The following EPHA3 variants were observed in gnomAD, a reference collection of about 807,000 sequenced individuals.
The protein encoded by EPHA3 is ephrin type-A receptor 3.
Under a neutral mutation model 107.1 loss-of-function variants are expected in EPHA3, and 42 were observed. The ratio of observed to expected loss-of-function variants is 0.39; its 90% CI spans 0.31 to 0.51. EPHA3 has a LOEUF of 0.51. Ranked by LOEUF, EPHA3 falls within the 20% of genes least tolerant of loss-of-function variation. The pLI is 0.78. For missense variants in EPHA3, 1,183 were observed against 1,211.2 expected (o/e 0.98, Z 0.35); for synonymous variants, 461 against 424.8 (o/e 1.09, Z -1.05).
chr3:89,325,232 T>C (rs1707139148), intron 3 of EPHA3, among the ~76,000 whole-genome samples: 1 of 152,194 alleles, frequency 6.6e-6, no homozygotes, highest in Admixed American at 6.5e-5. Context: ...TCATCTAAAA[T>C]CTTCATATCA....
intron 5 of EPHA3, among the ~76,000 whole-genome samples, chr3:89,393,744 A>G (rs1708790571): frequency 6.6e-6 from 1 of 152,058 alleles, no homozygotes; most frequent in Admixed American, 6.6e-5. Flanking sequence ...TTGGATAATG[A>G]TTTGATTTTT....
At chr3:89,345,625 T>C (rs1308840742) in intron 5 of EPHA3, among the ~76,000 whole-genome samples, 1 of 150,172 alleles carries the variant, frequency 6.7e-6, no homozygotes, top group Non-Finnish European at 1.5e-5. Flanking sequence ...TTTTCTTTTT[T>C]TTTTTTATAC....
chr3:89,334,786 A>G (rs1451384636), intron 3 of EPHA3, among the ~76,000 whole-genome samples: 2 of 152,174 alleles, frequency 1.3e-5, no homozygotes, highest in Non-Finnish European at 2.9e-5. Context: ...ACACCTCATT[A>G]AAGTTTGAAG....
intron 13 of EPHA3, among the ~76,000 whole-genome samples, chr3:89,441,008 T>A (rs928971987): frequency 6.6e-6 from 1 of 152,206 alleles, no homozygotes; most frequent in Non-Finnish European, 1.5e-5. Flanking sequence ...GCTGTTAAGC[T>A]GTTAGATAAA....
At chr3:89,144,577 T>G (rs562762071) in intron 2 of EPHA3, among the ~76,000 whole-genome samples, 2 of 151,976 alleles carry the variant, frequency 1.3e-5, no homozygotes, top group South Asian at 4.1e-4. Context: ...TCTGCACATA[T>G]GAACACTTTC....
chr3:89,282,618 T>G (rs1705975445), intron 3 of EPHA3, among the ~76,000 whole-genome samples: 1 of 152,234 alleles, frequency 6.6e-6, no homozygotes, highest in East Asian at 1.9e-4. Context: ...ATACCATGTT[T>G]TCCCCCGTAT....
intron 1 of EPHA3, among the ~76,000 whole-genome samples, chr3:89,112,714 C>T (rs1233131624): frequency 6.6e-6 from 1 of 151,196 alleles, no homozygotes; most frequent in Non-Finnish European, 1.5e-5. Flanking sequence ...ATTAATAAAA[C>T]TTTCCTCAAA....
chr3:89,281,167 G>T (rs1247261368), intron 3 of EPHA3, among the ~76,000 whole-genome samples: 1 of 152,076 alleles, frequency 6.6e-6, no homozygotes, highest in East Asian at 1.9e-4. Flanking sequence ...GGGACTACAG[G>T]CCCACGCCGC....
At chr3:89,135,786 G>A (rs1003614262) in intron 2 of EPHA3, among the ~76,000 whole-genome samples, 1 of 150,332 alleles carries the variant, frequency 6.7e-6, no homozygotes, top group East Asian at 1.9e-4. Flanking sequence ...TGTAAAGATA[G>A]CTTCATATTG....
At chr3:89,460,120 TATGAG>T (rs1180674222) in intron 15 of EPHA3, among the ~76,000 whole-genome samples, 1 of 152,180 alleles carries the variant, frequency 6.6e-6, no homozygotes, top group African/African-American at 2.4e-5. Context: ...TTTTTGAAGA[TATGAG>T]ATTTTTATTA....
Position 89,382,214 on chromosome 3 carries a change from A to C in EPHA3, c.1307-13623A>C, listed in dbSNP as rs151025361. On this transcript the variant is annotated intron_variant, in intron 5 of 16. Transcript: ENST00000336596. ...GATCAGGAGAAGGTTGCCACTAAAA[A>C]ATAGAGACTATGGCTGGGGGTGGTG... Among the ~76,000 whole-genome samples, 7 of 152,252 alleles carry C rather than the reference A, an allele frequency of 4.6e-5. No homozygotes were observed. In the East Asian group the frequency reaches 1.4e-3, roughly 29 times the overall value.
chr3:89,127,114 G>C (rs1704112075), intron 1 of EPHA3, 95 bp from the exon 2 acceptor site: 8 of 914,244 alleles, frequency 8.8e-6, no homozygotes, highest in Non-Finnish European at 1.4e-5. Context: ...TATGTTTTTT[G>C]AGCAACATCA....
At chr3:89,213,593 T>A in intron 3 of EPHA3, among the ~76,000 whole-genome samples, 1 of 152,024 alleles carries the variant, frequency 6.6e-6, no homozygotes, top group East Asian at 1.9e-4. Flanking sequence ...AGTAAAGGAA[T>A]AACAAATATT....
rs530851777 is a variant in EPHA3, at chr3:89,142,203, G to A, written c.153+14930G>A. Among the ~76,000 whole-genome samples the A allele has an allele frequency of 2.0e-5, 3 of 151,320 alleles. No homozygotes were observed. In the Admixed American group the frequency reaches 2.0e-4, roughly 10 times the overall value. ...TTAAACAATAATAGCCTTAGGAAAT[G>A]TCTACCATATCACTTTTTCCCCCAA... On this transcript the variant is annotated intron_variant, in intron 2 of 16. Coordinates refer to ENST00000336596, the MANE Select transcript of EPHA3 (RefSeq NM_005233.6).
At chr3:89,161,529 T>C (rs1038704267) in intron 2 of EPHA3, among the ~76,000 whole-genome samples, 1 of 152,192 alleles carries the variant, frequency 6.6e-6, no homozygotes, top group African/African-American at 2.4e-5. Flanking sequence ...TTTATTTTTA[T>C]GTTTGCATAG....
At chr3:89,318,749 C>T (rs1354577531) in intron 3 of EPHA3, among the ~76,000 whole-genome samples, 1 of 151,878 alleles carries the variant, frequency 6.6e-6, no homozygotes, top group African/African-American at 2.4e-5. Flanking sequence ...ACAATAATGA[C>T]ATCTCTAAAG....
intron 3 of EPHA3, among the ~76,000 whole-genome samples, chr3:89,299,854 A>C (rs1231783423): frequency 2.6e-5 from 4 of 152,042 alleles, no homozygotes; most frequent in Non-Finnish European, 5.9e-5. Context: ...CCTTAAGGAA[A>C]ATTTTTGATA....
intron 3 of EPHA3, among the ~76,000 whole-genome samples, chr3:89,306,482 A>T (rs954964): frequency 1.3e-5 from 2 of 151,986 alleles, no homozygotes; most frequent in Admixed American, 6.6e-5. Context: ...CAGAAAATTT[A>T]ATTTTCTATT....
At chr3:89,379,404 C>T (rs1331975062) in intron 5 of EPHA3, among the ~76,000 whole-genome samples, 2 of 152,116 alleles carry the variant, frequency 1.3e-5, no homozygotes, top group African/African-American at 2.4e-5. Flanking sequence ...TTAGCATATT[C>T]CCCACCTGCA....
Sources: allele counts gnomAD v4.1 joint callset (sites outside exome capture counted in the v4.1 genomes callset), GRCh38; gene constraint gnomAD v4.1.1; transcripts MANE v1.5; gene names NCBI Gene and HGNC (gene_info 2026-07-23, HGNC 2026-07-21).